Variants in PTPN5 observed in about 807,000 individuals in gnomAD.
PTPN5 encodes the protein tyrosine-protein phosphatase non-receptor type 5.
A neutral mutation model predicts 73.9 loss-of-function variants in PTPN5; 29 were observed. That is an observed-to-expected ratio of 0.39 (90% confidence interval 0.29 to 0.54). PTPN5 has a LOEUF of 0.54. Among genes scored for constraint, PTPN5 ranks in the 20% least tolerant of loss-of-function variants. PTPN5 has a pLI of 0.65. For missense variants in PTPN5, 652 were observed against 751.4 expected (o/e 0.87, Z 1.55); for synonymous variants, 267 against 304.7 (o/e 0.88, Z 1.29).
At chr11:18,768,157 C>T (rs1850720972) in intron 2 of PTPN5, among the ~76,000 whole-genome samples, 1 of 152,240 alleles carries the variant, frequency 6.6e-6, no homozygotes, top group Non-Finnish European at 1.5e-5. Context: ...ACCTGACGTT[C>T]TTGAGAAAAC....
Position 18,729,521 on chromosome 11 carries a change from G to A in PTPN5, c.1536C>T (p.Cys512=). The change falls in exon 14 of 15, where the codon TGC becomes TGT. Residue 512 remains cysteine, a synonymous_variant. Coordinates refer to ENST00000358540, the MANE Select transcript of PTPN5 (RefSeq NM_006906.2). This position sits in a 1 kb window ranked among gnomAD's most constrained non-coding sequence, Gnocchi z 5.2. ...CACCCTCCTGCCGCAGCTGCTGGCA[G>A]CAGATGCTGGTGGCAATGAAGCAGC... The part of the protein sequence containing the change: ...RTGCFIATSI[C]CQQLRQEGVV... The A allele has an allele frequency of 6.2e-7, 1 of 1,602,196 alleles. No homozygotes were observed. The highest frequency in any genetic ancestry group is 8.5e-7 in the Non-Finnish European group (1 of 1,176,532).
chr11:18,736,863 G>A (rs894742337), intron 9 of PTPN5, among the ~76,000 whole-genome samples: 4 of 152,196 alleles, frequency 2.6e-5, no homozygotes, highest in African/African-American at 9.7e-5. Context: ...TCCAGGTAGG[G>A]CTGGGATCGG....
intron 2 of PTPN5, among the ~76,000 whole-genome samples, chr11:18,770,680 C>T (rs1850845018): frequency 6.6e-6 from 1 of 152,162 alleles, no homozygotes; most frequent in African/African-American, 2.4e-5. Flanking sequence ...GGGTCTGAGG[C>T]CTCACTTATG....
chr11:18,752,712 C>T (rs1387538581), intron 3 of PTPN5, among the ~76,000 whole-genome samples: 2 of 152,180 alleles, frequency 1.3e-5, no homozygotes, highest in Non-Finnish European at 2.9e-5. Context: ...CCCAGAAGTA[C>T]GAGGGTGAAA....
upstream of PTPN5, chr11:18,791,952 C>G (rs1422108602): frequency 6.6e-6 from 1 of 152,220 alleles, no homozygotes; most frequent in Non-Finnish European, 1.5e-5. Flanking sequence ...GGGGCCGGAT[C>G]ACAGACCCTT....
At chr11:18,761,347 G>C (rs936640443) in intron 3 of PTPN5, among the ~76,000 whole-genome samples, 3 of 152,200 alleles carry the variant, frequency 2.0e-5, no homozygotes, top group African/African-American at 7.2e-5. Context: ...CTGTACTGGT[G>C]CTGGATGGGG....
At chr11:18,730,478 T>A (rs1848825408) in intron 12 of PTPN5, 1 of 152,258 alleles carries the variant, frequency 6.6e-6, no homozygotes, top group African/African-American at 2.4e-5. Context: ...TGAAACCAAA[T>A]CCCAACATGG....
intron 12 of PTPN5, 99 bp downstream of exon 12, chr11:18,732,493 G>A: frequency 2.4e-6 from 2 of 830,612 alleles, no homozygotes; most frequent in Non-Finnish European, 4.0e-6. Context: ...TGGCTTTTAT[G>A]TCAGTTACAG....
rs1850216984 is a variant in PTPN5, at chr11:18,757,676, A to G, written c.97+8131T>C. On this transcript the variant is annotated intron_variant, in intron 3 of 14. Transcript: ENST00000358540. ...GTGGGCTGGGGTACCCATCTACCCA[A>G]GTGCTCATGAGTGTCCTTGTGGTGC... Among the ~76,000 whole-genome samples, 2 of 152,150 alleles carry G rather than the reference A, an allele frequency of 1.3e-5. 1 individual carries two copies. Among genetic ancestry groups the G allele is most frequent in the South Asian group, 4.2e-4 (2 of 4,816 alleles).
intron 1 of PTPN5, among the ~76,000 whole-genome samples, chr11:18,774,549 C>CGTCCTG (rs1475156511): frequency 6.6e-6 from 1 of 152,210 alleles, no homozygotes; most frequent in African/African-American, 2.4e-5. Flanking sequence ...GAGGAGCCCT[C>CGTCCTG]GTCCTGCCAA....
At chr11:18,767,691 G>C (rs531545484) in intron 2 of PTPN5, among the ~76,000 whole-genome samples, 1 of 152,378 alleles carries the variant, frequency 6.6e-6, no homozygotes, top group African/African-American at 2.4e-5. Context: ...CTCCAGAAGA[G>C]AGGAGCTAGA....
intron 1 of PTPN5, among the ~76,000 whole-genome samples, chr11:18,785,324 A>C (rs1851621416): frequency 6.6e-6 from 1 of 152,244 alleles, no homozygotes. Context: ...GACTATGTGC[A>C]ACAATAAAGA....
At chr11:18,771,089 G>A (rs1332832372) in intron 2 of PTPN5, among the ~76,000 whole-genome samples, 1 of 152,106 alleles carries the variant, frequency 6.6e-6, no homozygotes, top group Non-Finnish European at 1.5e-5. Flanking sequence ...TGAGGAGCAA[G>A]GGGGAACTGG....
At chr11:18,786,305 C>A (rs745895231) in intron 1 of PTPN5, among the ~76,000 whole-genome samples, 1 of 152,106 alleles carries the variant, frequency 6.6e-6, no homozygotes, top group East Asian at 1.9e-4. Context: ...TGGGTTCATG[C>A]CATTCTCCTG....
At chr11:18,743,236 G>A (rs1168312927) in intron 5 of PTPN5, 86 bp downstream of exon 5, 1 of 1,370,362 alleles carries the variant, frequency 7.3e-7, no homozygotes. Context: ...TGAACTCAGA[G>A]AAGCCCAATC....
chr11:18,771,818 A>T, intron 2 of PTPN5, 121 bp downstream of exon 2: 1 of 822,222 alleles, frequency 1.2e-6, no homozygotes, highest in Admixed American at 2.3e-5. Flanking sequence ...TTTCATGGAA[A>T]AGGAATGATC....
At chr11:18,734,470 C>T (rs1849028276) in intron 9 of PTPN5, among the ~76,000 whole-genome samples, 2 of 152,170 alleles carry the variant, frequency 1.3e-5, no homozygotes, top group South Asian at 4.1e-4. Flanking sequence ...CCATGAGCCA[C>T]TGCACCTGGC....
In PTPN5 at chr11:18,765,820, A is replaced by C. The variant is rs1348284911; in HGVS notation, c.84T>G (p.Ser28Arg). Reference sequence around the variant, plus strand: ...GAGAAGACTCACCCGGTAGCCTCTCACTGCAGCACATGTCCAGGGCCCCTC... The same window carrying C: ...GAGAAGACTCACCCGGTAGCCTCTCCCTGCAGCACATGTCCAGGGCCCCTC... ...SEGGALDMCC[S>R]ERLPGLPQPI... The change falls in exon 3 of 15, where the codon AGT becomes AGG. Residue 28 changes from serine (S) to arginine (R), a missense_variant. Physicochemically the swap from Ser to Arg is moderately radical, Grantham distance 110. Around this residue, in one of 3 missense-constraint regions of PTPN5, gnomAD observed 529 missense variants for 573.9 expected, o/e 0.92. Transcript: ENST00000358540. The C allele has an allele frequency of 1.3e-6, 2 of 1,575,584 alleles. No homozygotes were observed. Among genetic ancestry groups the C allele is most frequent in the Non-Finnish European group, 1.7e-6 (2 of 1,159,670 alleles).
intron 12 of PTPN5, among the ~76,000 whole-genome samples, chr11:18,731,697 C>T (rs954316984): frequency 6.6e-6 from 1 of 152,198 alleles, no homozygotes; most frequent in Non-Finnish European, 1.5e-5. Flanking sequence ...TGTGGGGGCA[C>T]TGCTCTTGGG....
Sources: gnomAD v4.1 joint callset for allele counts (sites outside exome capture counted in the v4.1 genomes callset) on GRCh38, gnomAD v4.1.1 for gene constraint, gnomAD v4.1.1 regional missense constraint, Gnocchi (gnomAD v3.1) non-coding constraint, MANE v1.5 for transcripts, NCBI Gene and HGNC (gene_info 2026-07-23, HGNC 2026-07-21) for gene names.